NCR2: variants seen among roughly 807,000 people sequenced by gnomAD.
NCR2 encodes natural cytotoxicity triggering receptor 2.
A neutral mutation model predicts 30.7 loss-of-function variants in NCR2; 35 were observed. That is an observed-to-expected ratio of 1.14 (90% CI 0.87 to 1.51). The LOEUF (loss-of-function observed/expected upper bound fraction) is 1.51, where lower values mean the gene tolerates loss of function less well. NCR2 is among the 40% of genes most tolerant of loss of function. NCR2 has a pLI of 0.00. For missense variants in NCR2, 316 were observed against 328.9 expected (o/e 0.96, Z 0.30); for synonymous variants, 146 against 134.8 (o/e 1.08, Z -0.58).
intron 4 of NCR2, among the ~76,000 whole-genome samples, chr6:41,343,546 G>A (rs542126159): frequency 2.2e-4 from 33 of 152,306 alleles, no homozygotes; most frequent in African/African-American, 7.2e-4. Context: ...TCTGAGCAAA[G>A]AACGATTTGC....
At position 41,336,148 on chromosome 6, in the gene NCR2, G is replaced by A; in HGVS notation, c.114G>A (p.Val38=). The part of the protein sequence containing the change: ...LQSVAGQTLT[V]RCQYPPTGSL... The stretch of plus-strand genomic sequence containing the variant: ...GTGTGGCAGGGCAGACGCTAACCGT[G>A]AGATGCCAGTACCCGCCCACGGGCA... The change falls in exon 2 of 5, where the codon GTG becomes GTA. Residue 38 remains valine (V), a synonymous_variant. Coordinates refer to ENST00000373089, the MANE Select transcript of NCR2 (RefSeq NM_004828.4). 4 of 1,614,150 alleles carry A rather than the reference G, an allele frequency of 2.5e-6. No homozygotes were observed. The highest frequency in any genetic ancestry group is 3.4e-6 in the Non-Finnish European group (4 of 1,180,044).
At chr6:41,348,012 C>G (rs1337986027) in intron 4 of NCR2, among the ~76,000 whole-genome samples, 4 of 152,216 alleles carry the variant, frequency 2.6e-5, no homozygotes, top group African/African-American at 9.7e-5. Context: ...CATTAATAAC[C>G]TAGTCTCTGA....
Position 41,335,922 on chromosome 6 carries a change from T to C in NCR2, c.46T>C (p.Phe16Leu). 6.4e-7 allele frequency: 1 copy of C among 1,571,208 alleles called. No homozygotes were observed. The highest frequency in any genetic ancestry group is 8.6e-7 in the Non-Finnish European group (1 of 1,157,666). Residue 16 changes from phenylalanine (F) to leucine (L), a missense_variant, in exon 1 of 5, where the codon TTC becomes CTC. Transcript: ENST00000373089. ...LHPLLLLLLL[F>L]PGSQAQSKAQ... ...CCCACTGCTACTGCTGCTGCTGCTG[T>C]TCCCAGGTGAGGGGGAGGAGGAGCC...
At chr6:41,339,666 T>A (rs938431577) in intron 2 of NCR2, among the ~76,000 whole-genome samples, 3 of 152,214 alleles carry the variant, frequency 2.0e-5, no homozygotes, top group Admixed American at 2.0e-4. Flanking sequence ...ATTACAGGCG[T>A]GAGCCACTGC....
intron 4 of NCR2, among the ~76,000 whole-genome samples, chr6:41,345,218 C>T (rs537660128): frequency 2.0e-4 from 31 of 152,256 alleles, no homozygotes; most frequent in Admixed American, 3.3e-4. Context: ...TCTTAAAGTT[C>T]CAACCTGTTC....
chr6:41,335,711 A>G lies in NCR2; in HGVS notation c.-166A>G. ...GAGATCCCCACTTCCCTGTGCCCAC[A>G]GAATCTGCCCTTTGCAGTCTCCCAT... On this transcript the variant is annotated 5_prime_UTR_variant, in exon 1 of 5. Transcript: ENST00000373089. The G allele has an allele frequency of 1.3e-6, 1 of 753,870 alleles. No homozygotes were observed. The highest frequency in any genetic ancestry group is 1.6e-5 in the South Asian group (1 of 64,084). 46.7% of individuals were successfully genotyped at this position (753,870 alleles called of 1,614,324 possible).
chr6:41,348,388 AC>A (rs1482930155), intron 4 of NCR2, among the ~76,000 whole-genome samples: 1 of 151,782 alleles, frequency 6.6e-6, no homozygotes, highest in East Asian at 1.9e-4. Context: ...CACACACACA[AC>A]CCCAATGTCC....
At chr6:41,347,713 A>G (rs1309690449) in intron 4 of NCR2, among the ~76,000 whole-genome samples, 1 of 152,344 alleles carries the variant, frequency 6.6e-6, no homozygotes, top group South Asian at 2.1e-4. Context: ...ATACATATTC[A>G]TTAGGTCACA....
chr6:41,350,788 C>A lies in NCR2; in HGVS notation c.755C>A (p.Pro252His). 2 of 1,410,164 alleles carry A rather than the reference C, an allele frequency of 1.4e-6. No individual in the cohort carries two copies. Among genetic ancestry groups the A allele is most frequent in the Non-Finnish European group, 2.0e-6 (2 of 993,988 alleles). The allele number at this position is 1,410,164 out of a possible 1,614,324, so 87.4% of individuals were successfully genotyped here. A position where few individuals can be genotyped will look rare whatever the true frequency, so the allele number is the denominator to read the frequency against. ...CTTCCCTGGACCTCAGTTTCCTCAC[C>A]TGTAGAGAGAGAAATATTATATCAC... ...TDLPWTSVSS[P>H]VEREILYHTV... Residue 252 changes from proline (P) to histidine (H), a missense_variant, in exon 5 of 5, where the codon CCT (proline) becomes CAT (histidine). By Grantham distance (77) the Pro-to-His change is moderately conservative. Coordinates refer to ENST00000373089, the MANE Select transcript of NCR2 (RefSeq NM_004828.4).
intron 4 of NCR2, chr6:41,343,044 C>T: frequency 5.9e-6 from 9 of 1,536,594 alleles, no homozygotes; most frequent in Non-Finnish European, 7.9e-6. Flanking sequence ...CAGTCTCCAA[C>T]AAGGCTGGGC....
chr6:41,336,093 A>C lies in NCR2; in HGVS notation c.59A>C (p.Gln20Pro). Residue 20 changes from glutamine to proline, a missense_variant, in exon 2 of 5, where the codon CAG becomes CCG. Physicochemically the swap from Gln to Pro is moderately conservative, Grantham distance 76. Transcript: ENST00000373089. ...LLLLLLFPGS[Q>P]AQSKAQVLQS... ...TTACTTCATCATTCTCCAGGCTCTC[A>C]GGCACAATCCAAGGCTCAGGTACTT... The C allele has an allele frequency of 6.2e-7, 1 of 1,612,748 alleles. No individual in the cohort carries two copies. The highest frequency in any genetic ancestry group is 1.1e-5 in the South Asian group (1 of 90,978).
intron 1 of NCR2, 63 bp from the exon 2 acceptor site, chr6:41,336,023 AG>A: frequency 6.3e-7 from 1 of 1,587,634 alleles, no homozygotes; most frequent in Non-Finnish European, 8.6e-7. Flanking sequence ...CTGTGGCCAG[AG>A]GCCTGCTGTG....
rs1003242989 is a variant in NCR2, at chr6:41,335,718, G to T, written c.-159G>T. Reference sequence around the variant, plus strand: ...CCACTTCCCTGTGCCCACAGAATCTGCCCTTTGCAGTCTCCCATCTCCCCA... The same window carrying T: ...CCACTTCCCTGTGCCCACAGAATCTTCCCTTTGCAGTCTCCCATCTCCCCA... On this transcript the variant is annotated 5_prime_UTR_variant, in exon 1 of 5. Coordinates refer to ENST00000373089, the MANE Select transcript of NCR2 (RefSeq NM_004828.4). The T allele has an allele frequency of 2.4e-5, 19 of 782,146 alleles. No homozygotes were observed. The East Asian group carries it at 5.1e-4, about 21-fold the overall frequency. The allele number at this position is 782,146 out of a possible 1,614,324, so 48.5% of individuals were successfully genotyped here. A position where few individuals can be genotyped will look rare whatever the true frequency, so the allele number is the denominator to read the frequency against.
At chr6:41,349,055 A>C (rs1769369545) in intron 4 of NCR2, among the ~76,000 whole-genome samples, 1 of 147,192 alleles carries the variant, frequency 6.8e-6, no homozygotes, top group Admixed American at 6.8e-5. Flanking sequence ...ATTTTATATA[A>C]ATTATTATAG....
rs549677654 is a variant in NCR2, at chr6:41,335,859, G to A, written c.-18G>A. The stretch of plus-strand genomic sequence containing the variant: ...TCTCCAGGTGTCCCCTCCCATGAGC[G>A]CACAGGAAAAGGACCACATGGCCTG... On this transcript the variant is annotated 5_prime_UTR_variant, in exon 1 of 5. Transcript: ENST00000373089. 73 of 1,562,174 alleles carry A rather than the reference G, an allele frequency of 4.7e-5. No homozygotes were observed. In the Middle Eastern group the frequency reaches 8.3e-4, roughly 18 times the overall value.
At chr6:41,338,433 A>C (rs1199819450) in intron 2 of NCR2, among the ~76,000 whole-genome samples, 1 of 152,226 alleles carries the variant, frequency 6.6e-6, no homozygotes, top group Non-Finnish European at 1.5e-5. Flanking sequence ...TGAAGGAAGC[A>C]GTGCATTAAT....
At position 41,335,744 on chromosome 6, in the gene NCR2, A is replaced by G. The variant is rs1561939617; in HGVS notation, c.-133A>G. ...CCCTTTGCAGTCTCCCATCTCCCCA[A>G]CCCAGGCCTCAGCCTGTCTCATTTT... is the stretch of plus-strand genomic sequence containing the variant. On this transcript the variant is annotated 5_prime_UTR_variant, in exon 1 of 5. Transcript: ENST00000373089. 5.8e-6 allele frequency: 6 copies of G among 1,026,218 alleles called. No homozygotes were observed. The East Asian group carries it at 7.8e-5, about 13-fold the overall frequency. 63.6% of individuals were successfully genotyped at this position (1,026,218 alleles called of 1,614,324 possible).
At chr6:41,350,059 A>G (rs945419218) in intron 4 of NCR2, among the ~76,000 whole-genome samples, 6 of 152,222 alleles carry the variant, frequency 3.9e-5, no homozygotes, top group Non-Finnish European at 5.9e-5. Context: ...TGCAGATGAC[A>G]GTGTTGCTAA....
chr6:41,342,971 C>G (rs1052018018), intron 4 of NCR2: 1 of 1,550,620 alleles, frequency 6.4e-7, no homozygotes, highest in Non-Finnish European at 8.7e-7. Flanking sequence ...CTGCACCCAG[C>G]TCAGCCCAGG....
Sources: allele counts gnomAD v4.1 joint callset (sites outside exome capture counted in the v4.1 genomes callset), GRCh38; gene constraint gnomAD v4.1.1; transcripts MANE v1.5; gene names NCBI Gene and HGNC (gene_info 2026-07-23, HGNC 2026-07-21).